FHIT: variants seen among roughly 807,000 people sequenced by gnomAD.
FHIT encodes the protein fragile histidine triad diadenosine triphosphatase, also known as bis(5'-adenosyl)-triphosphatase.
In FHIT, 19 loss-of-function variants were observed where a neutral mutation model predicts 17.9. The observed-to-expected ratio is 1.06, with a 90% CI of 0.74 to 1.56. The LOEUF (loss-of-function observed/expected upper bound fraction) is 1.56. Among genes scored for constraint, FHIT ranks in the 40% most tolerant of loss-of-function variants. The pLI is 0.00. For synonymous variants in FHIT, 81 were observed against 69.7 expected (o/e 1.16, Z -0.81); for missense variants, 248 against 189.2 (o/e 1.31, Z -1.82).
chr3:60,861,290 T>TC (rs1703874422), intron 3 of FHIT, among the ~76,000 whole-genome samples: 1 of 80,310 alleles, frequency 1.2e-5, no homozygotes, highest in African/African-American at 5.1e-5. Flanking sequence ...CTTTTTTTTT[T>TC]CAGTTAAGCT....
intron 3 of FHIT, among the ~76,000 whole-genome samples, chr3:60,924,475 T>A (rs1460239722): frequency 6.6e-6 from 1 of 152,088 alleles, no homozygotes; most frequent in African/African-American, 2.4e-5. Flanking sequence ...CAGCAAACTC[T>A]AACAGACCTG....
At chr3:59,988,410 A>G (rs1709082504) in intron 7 of FHIT, among the ~76,000 whole-genome samples, 2 of 152,120 alleles carry the variant, frequency 1.3e-5, no homozygotes, top group Non-Finnish European at 1.5e-5. Context: ...ATGATCGAAT[A>G]AAGCAAAATT....
At chr3:60,120,707 T>G (rs1705208861) in intron 5 of FHIT, among the ~76,000 whole-genome samples, 1 of 152,178 alleles carries the variant, frequency 6.6e-6, no homozygotes, top group South Asian at 2.1e-4. Flanking sequence ...ATAGGCAAGT[T>G]TTGGAAACTA....
intron 2 of FHIT, among the ~76,000 whole-genome samples, chr3:61,156,368 G>A (rs556601492): frequency 6.6e-6 from 1 of 151,658 alleles, no homozygotes; most frequent in South Asian, 2.1e-4. Context: ...GGTGACCTTG[G>A]GGAGATGCCA....
intron 5 of FHIT, among the ~76,000 whole-genome samples, chr3:60,108,499 C>A (rs1225491287): frequency 6.6e-6 from 1 of 152,092 alleles, no homozygotes; most frequent in African/African-American, 2.4e-5. Flanking sequence ...TGAATTCTTA[C>A]TGTGTAAACT....
At position 60,402,855 on chromosome 3, in the gene FHIT, C is replaced by T. The variant is rs138701436; in HGVS notation, c.103+134005G>A. Among the ~76,000 whole-genome samples the T allele has an allele frequency of 3.8e-3, 586 of 152,262 alleles. 6 individuals carry two copies. The highest frequency in any genetic ancestry group is 0.02 in the Middle Eastern group (6 of 294). The stretch of plus-strand genomic sequence containing the variant: ...ATAGTAGATGCTCAATCCACATTTA[C>T]TGAAATAAAAAGAATGCCTTAATAG... On this transcript the variant is annotated intron_variant, in intron 5 of 9. Transcript: ENST00000492590.
chr3:59,801,859 C>T (rs1380364512), intron 8 of FHIT, among the ~76,000 whole-genome samples: 3 of 152,236 alleles, frequency 2.0e-5, no homozygotes, highest in Admixed American at 6.5e-5. Flanking sequence ...TTTGCTCATA[C>T]CCTGGTCTCC....
chr3:60,827,759 C>T (rs1319419997), intron 3 of FHIT, among the ~76,000 whole-genome samples: 1 of 152,220 alleles, frequency 6.6e-6, no homozygotes, highest in Non-Finnish European at 1.5e-5. Context: ...ATAAGAACAT[C>T]TCTCTCCAGC....
chr3:59,789,428 A>G (rs1355354931), intron 8 of FHIT, among the ~76,000 whole-genome samples: 11 of 152,192 alleles, frequency 7.2e-5, no homozygotes, highest in Non-Finnish European at 1.6e-4. Context: ...AATGAAAAAC[A>G]CTATGCATTT....
intron 5 of FHIT, among the ~76,000 whole-genome samples, chr3:60,291,936 G>C (rs1708002684): frequency 6.6e-6 from 1 of 152,142 alleles, no homozygotes; most frequent in African/African-American, 2.4e-5. Flanking sequence ...GTCTGGCCCT[G>C]TCCATATCTT....
At chr3:59,777,511 A>G (rs1201937316) in intron 8 of FHIT, among the ~76,000 whole-genome samples, 1 of 152,130 alleles carries the variant, frequency 6.6e-6, no homozygotes, top group Non-Finnish European at 1.5e-5. Context: ...CACCCAATCC[A>G]TGAACAAATT....
At chr3:60,296,921 C>CAA (rs34680230) in intron 5 of FHIT, among the ~76,000 whole-genome samples, 7 of 115,268 alleles carry the variant, frequency 6.1e-5, no homozygotes, top group Middle Eastern at 4.7e-3. Context: ...TTTATTTTTG[C>CAA]AAAAAAAAAA....
chr3:60,562,532 G>A (rs1207213138), intron 4 of FHIT, among the ~76,000 whole-genome samples: 2 of 152,156 alleles, frequency 1.3e-5, no homozygotes, highest in Non-Finnish European at 1.5e-5. Context: ...GGTTTTAAGA[G>A]GAGTCTGACA....
chr3:60,255,341 A>G (rs1035647889), intron 5 of FHIT, among the ~76,000 whole-genome samples: 3 of 152,126 alleles, frequency 2.0e-5, no homozygotes, highest in African/African-American at 7.2e-5. Context: ...CGCAGAAACA[A>G]CTCCAAACCT....
intron 5 of FHIT, among the ~76,000 whole-genome samples, chr3:60,081,065 G>T (rs1703262101): frequency 6.6e-6 from 1 of 152,218 alleles, no homozygotes; most frequent in Admixed American, 6.5e-5. Flanking sequence ...AAAGCAAAGA[G>T]AGAGAAATAG....
intron 3 of FHIT, among the ~76,000 whole-genome samples, chr3:60,966,511 A>G (rs1709753622): frequency 6.6e-6 from 1 of 152,208 alleles, no homozygotes; most frequent in Non-Finnish European, 1.5e-5. Context: ...CATCTTCTGC[A>G]CTCCTCACGC....
intron 4 of FHIT, among the ~76,000 whole-genome samples, chr3:60,621,490 A>G (rs1223104860): frequency 1.3e-5 from 2 of 151,950 alleles, no homozygotes; most frequent in African/African-American, 4.8e-5. Context: ...ACTTATTTCC[A>G]AAAAGTGTTC....
At chr3:60,279,175 G>C (rs535078948) in intron 5 of FHIT, among the ~76,000 whole-genome samples, 14 of 152,124 alleles carry the variant, frequency 9.2e-5, no homozygotes, top group South Asian at 6.2e-4. Context: ...CAACAATACA[G>C]ATTACTAACA....
intron 5 of FHIT, among the ~76,000 whole-genome samples, chr3:60,057,505 C>T (rs1253947536): frequency 2.0e-4 from 31 of 152,084 alleles, no homozygotes; most frequent in Admixed American, 2.0e-3. Flanking sequence ...ATGAATGAAC[C>T]TTGAAAACAT....
Sources: gnomAD v4.1 joint callset for allele counts (sites outside exome capture counted in the v4.1 genomes callset) on GRCh38, gnomAD v4.1.1 for gene constraint, MANE v1.5 for transcripts, NCBI Gene and HGNC (gene_info 2026-07-23, HGNC 2026-07-21) for gene names.